DLG1: variants seen among roughly 807,000 people sequenced by gnomAD.
The protein encoded by DLG1 is discs large MAGUK scaffold protein 1.
Under a neutral mutation model 123.4 loss-of-function variants are expected in DLG1, and 42 were observed. The observed-to-expected ratio is 0.34, with a 90% CI of 0.27 to 0.44. The LOEUF is 0.44. DLG1 is among the 20% of genes least tolerant of loss of function. The pLI is 1.00. For synonymous variants in DLG1, 317 were observed against 356.2 expected (o/e 0.89, Z 1.24); for missense variants, 942 against 1,082.6 (o/e 0.87, Z 1.82).
chr3:197,136,820 A>G (rs1785256834), intron 9 of DLG1, 142 bp from the exon 10 acceptor site: 1 of 663,556 alleles, frequency 1.5e-6, no homozygotes, highest in Admixed American at 3.4e-5. Flanking sequence ...ATCTACTAGT[A>G]TATGTTCTGC....
chr3:197,251,613 T>C (rs1561693005), intron 4 of DLG1, among the ~76,000 whole-genome samples: 1 of 152,170 alleles, frequency 6.6e-6, no homozygotes, highest in Non-Finnish European at 1.5e-5. Context: ...TGAATGATTT[T>C]TTGAGGTTAA....
intron 4 of DLG1, among the ~76,000 whole-genome samples, chr3:197,251,328 ACAAAAGACCC>A (rs1460660464): frequency 6.6e-6 from 1 of 152,194 alleles, no homozygotes; most frequent in African/African-American, 2.4e-5. Flanking sequence ...ATATGGAACC[ACAAAAGACCC>A]CAAATGGTCA....
In DLG1 at chr3:197,116,093, A is replaced by G. The variant is rs1398298731; in HGVS notation, c.1287-10T>C. On this transcript the variant is annotated splice_polypyrimidine_tract_variant and intron_variant, in intron 12 of 24. Coordinates refer to ENST00000667157, the MANE Select transcript of DLG1 (RefSeq NM_001366207.1). ...AACTTTTCTAGGTTCCCTAAAAATTAAAAAAAATTGAGTATCTTGGAAATT... is the reference window on the plus strand; with the variant it reads ...AACTTTTCTAGGTTCCCTAAAAATTGAAAAAAATTGAGTATCTTGGAAATT... 6 of 1,579,460 alleles carry G rather than the reference A, an allele frequency of 3.8e-6. No individual in the cohort carries two copies. The East Asian group carries it at 1.4e-4, about 36-fold the overall frequency.
At chr3:197,165,801 T>C (rs1231266643) in intron 5 of DLG1, among the ~76,000 whole-genome samples, 1 of 152,224 alleles carries the variant, frequency 6.6e-6, no homozygotes, top group Non-Finnish European at 1.5e-5. Flanking sequence ...GATATACACA[T>C]GGAAAAATCA....
intron 6 of DLG1, 24 bp downstream of exon 6, chr3:197,149,719 A>T (rs769410064): frequency 1.3e-6 from 2 of 1,496,178 alleles, no homozygotes; most frequent in African/African-American, 1.4e-5. Flanking sequence ...AATTACTTCA[A>T]TGTGGGGAGG....
chr3:197,157,745 A>C (rs1271008514), intron 5 of DLG1, among the ~76,000 whole-genome samples: 1 of 152,194 alleles, frequency 6.6e-6, no homozygotes. Context: ...ATGGTAATGA[A>C]AAAGAAAAAC....
chr3:197,268,026 T>C (rs549378042), intron 4 of DLG1, among the ~76,000 whole-genome samples: 3 of 152,324 alleles, frequency 2.0e-5, no homozygotes, highest in African/African-American at 4.8e-5. Context: ...TTCTCTGATA[T>C]GACTTTCACA....
chr3:197,143,058 A>C (rs907431056), intron 6 of DLG1, among the ~76,000 whole-genome samples: 7 of 152,112 alleles, frequency 4.6e-5, no homozygotes, highest in African/African-American at 1.4e-4. Flanking sequence ...CCACACATCT[A>C]ATCAGTTACC....
intron 13 of DLG1, among the ~76,000 whole-genome samples, 174 bp downstream of exon 13, chr3:197,115,753 C>A (rs1449987672): frequency 6.6e-6 from 1 of 152,152 alleles, no homozygotes; most frequent in Non-Finnish European, 1.5e-5. Context: ...TATAAAAGAA[C>A]ACCTATTATA....
At chr3:197,214,434 G>A (rs1368844834) in intron 4 of DLG1, among the ~76,000 whole-genome samples, 1 of 151,986 alleles carries the variant, frequency 6.6e-6, no homozygotes, top group Admixed American at 6.6e-5. Context: ...GTAGCCGGGC[G>A]TGGTGGTGGG....
intron 22 of DLG1, among the ~76,000 whole-genome samples, chr3:197,062,273 T>C (rs1736377073): frequency 6.6e-6 from 1 of 152,220 alleles, no homozygotes; most frequent in African/African-American, 2.4e-5. Flanking sequence ...GCCTGTTTTA[T>C]AATTAAGTGT....
At chr3:197,186,121 C>A (rs1198135369) in intron 5 of DLG1, among the ~76,000 whole-genome samples, 1 of 152,108 alleles carries the variant, frequency 6.6e-6, no homozygotes, top group Admixed American at 6.5e-5. Flanking sequence ...TGTTACATGA[C>A]CTACAAAAAT....
At chr3:197,091,080 T>G in intron 14 of DLG1, 54 bp from the exon 15 acceptor site, 1 of 1,231,694 alleles carries the variant, frequency 8.1e-7, no homozygotes, top group South Asian at 1.2e-5. Context: ...ATAAGTTATT[T>G]GAAGATAACG....
At chr3:197,166,888 G>A (rs762315092) in intron 5 of DLG1, among the ~76,000 whole-genome samples, 30 of 151,802 alleles carry the variant, frequency 2.0e-4, no homozygotes, top group Non-Finnish European at 3.4e-4. Flanking sequence ...GCGAAACTCC[G>A]TCTCGGGGGG....
intron 4 of DLG1, among the ~76,000 whole-genome samples, chr3:197,231,070 T>C (rs144223447): frequency 7.2e-5 from 11 of 152,106 alleles, no homozygotes; most frequent in Admixed American, 2.0e-4. Context: ...ATTTCAACAT[T>C]AGAAACTATC....
At chr3:197,180,975 CA>C (rs1318438470) in intron 5 of DLG1, among the ~76,000 whole-genome samples, 1 of 152,146 alleles carries the variant, frequency 6.6e-6, no homozygotes, top group Non-Finnish European at 1.5e-5. Flanking sequence ...AGGTGTCTTG[CA>C]AAAGTTTATA....
In DLG1 at chr3:197,043,917, T is replaced by C. The variant is rs891392739; in HGVS notation, c.*706A>G. On this transcript the variant is annotated 3_prime_UTR_variant, in exon 25 of 25. Transcript: ENST00000667157. ...CTCAATTCACGAAATGTGATGATCA[T>C]TTACATATGAACAACTTTTGTAAGA... 1 of 152,120 alleles carries C rather than the reference T, an allele frequency of 6.6e-6. No homozygotes were observed. The highest frequency in any genetic ancestry group is 2.4e-5 in the African/African-American group (1 of 41,424). The allele number at this position is 152,120 out of a possible 1,614,324, so 9.4% of individuals were successfully genotyped here.
At chr3:197,220,013 T>G (rs1422184634) in intron 4 of DLG1, among the ~76,000 whole-genome samples, 1 of 152,232 alleles carries the variant, frequency 6.6e-6, no homozygotes, top group Non-Finnish European at 1.5e-5. Flanking sequence ...CACTGTAGAA[T>G]TTAATACTCT....
At chr3:197,063,494 T>A (rs1233105123) in intron 22 of DLG1, among the ~76,000 whole-genome samples, 1 of 152,188 alleles carries the variant, frequency 6.6e-6, no homozygotes, top group Non-Finnish European at 1.5e-5. Flanking sequence ...GAGATTTGTA[T>A]TTTCCCATTT....
Sources: allele counts gnomAD v4.1 joint callset (sites outside exome capture counted in the v4.1 genomes callset), GRCh38; gene constraint gnomAD v4.1.1; transcripts MANE v1.5; gene names NCBI Gene and HGNC (gene_info 2026-07-23, HGNC 2026-07-21).